TBC1D14: variants seen among roughly 807,000 people sequenced by gnomAD.
TBC1D14 encodes TBC1 domain family, member 14.
Under a neutral mutation model 79.0 loss-of-function variants are expected in TBC1D14, and 26 were observed. The observed-to-expected ratio is 0.33, with a 90% CI of 0.24 to 0.46. The LOEUF is 0.46. Among genes scored for constraint, TBC1D14 ranks in the 20% least tolerant of loss-of-function variants. TBC1D14 has a pLI of 1.00. For synonymous variants in TBC1D14, 394 were observed against 349.9 expected, an observed-to-expected ratio of 1.13 and a Z score of -1.40; for missense variants, 769 against 887.6, an observed-to-expected ratio of 0.87 and a Z score of 1.70.
At chr4:7,025,820 G>A (rs1397222279) in intron 13 of TBC1D14, among the ~76,000 whole-genome samples, 10 of 152,174 alleles carry the variant, frequency 6.6e-5, no homozygotes, top group African/African-American at 1.9e-4. Context: ...CGGATAGTCC[G>A]TATCCCTTGG....
intron 12 of TBC1D14, among the ~76,000 whole-genome samples, chr4:7,021,717 A>G: frequency 6.6e-6 from 1 of 151,576 alleles, no homozygotes; most frequent in East Asian, 1.9e-4. Flanking sequence ...AAAAAATACC[A>G]TTTTTGATCT....
intron 3 of TBC1D14, among the ~76,000 whole-genome samples, chr4:6,991,821 G>C (rs1364182271): frequency 1.3e-5 from 2 of 152,228 alleles, no homozygotes; most frequent in Non-Finnish European, 2.9e-5. Flanking sequence ...GGGCTTGTTA[G>C]CGTCAGCCGC....
At chr4:6,987,583 T>A (rs1717994903) in intron 3 of TBC1D14, 1 of 401,350 alleles carries the variant, frequency 2.5e-6, no homozygotes, top group Non-Finnish European at 4.4e-6. Flanking sequence ...TGTGTCTGTG[T>A]TTCCACGTAT....
intron 1 of TBC1D14, among the ~76,000 whole-genome samples, chr4:6,914,210 C>T (rs559320126): frequency 3.3e-5 from 5 of 151,832 alleles, no homozygotes; most frequent in African/African-American, 2.4e-5. Context: ...TCCGCTTCTT[C>T]GGGTTGTGAA....
chr4:6,985,637 C>G (rs893878216), intron 3 of TBC1D14, among the ~76,000 whole-genome samples: 3 of 152,188 alleles, frequency 2.0e-5, no homozygotes, highest in Admixed American at 2.0e-4. Flanking sequence ...TGGACATTAT[C>G]TACAAGTTAA....
intron 12 of TBC1D14, among the ~76,000 whole-genome samples, chr4:7,015,105 G>T (rs1721150496): frequency 6.6e-6 from 1 of 152,104 alleles, no homozygotes; most frequent in Non-Finnish European, 1.5e-5. Flanking sequence ...CAGGCGATGA[G>T]GTGGGGAGGC....
chr4:7,024,815 A>G (rs1722182659), intron 12 of TBC1D14, among the ~76,000 whole-genome samples, 189 bp from the exon 13 acceptor site: 1 of 152,220 alleles, frequency 6.6e-6, no homozygotes, highest in Non-Finnish European at 1.5e-5. Flanking sequence ...TCTGTGCGGA[A>G]GCTGATAGTG....
In TBC1D14 at chr4:6,997,234, C is replaced by G. The variant is rs144283111; in HGVS notation, c.1045+827C>G. 4.2e-3 allele frequency: 642 copies of G among 152,398 alleles called. 5 individuals are homozygous for G. Among genetic ancestry groups the G allele is most frequent in the African/African-American group, 0.014 (586 of 41,580 alleles). The allele number at this position is 152,398 out of a possible 1,614,324, so 9.4% of individuals were successfully genotyped here. A position where few individuals can be genotyped will look rare whatever the true frequency, so the allele number is the denominator to read the frequency against. ...GCACTCCCCTGCTAGAGCCTCCAGACAGGCTCCATTCGTAGGAGAATGTAG... is the reference window on the plus strand; with the variant it reads ...GCACTCCCCTGCTAGAGCCTCCAGAGAGGCTCCATTCGTAGGAGAATGTAG... On this transcript the variant is annotated intron_variant, in intron 5 of 13. Transcript: ENST00000409757.
chr4:7,019,142 C>T (rs1288583471), intron 12 of TBC1D14, among the ~76,000 whole-genome samples: 1 of 152,072 alleles, frequency 6.6e-6, no homozygotes, highest in Non-Finnish European at 1.5e-5. Context: ...CTGCTTCAGC[C>T]TCCTGAGTAG....
At chr4:6,943,294 A>G (rs114359863) in intron 2 of TBC1D14, among the ~76,000 whole-genome samples, 1,823 of 152,316 alleles carry the variant, frequency 0.012, 16 homozygotes, top group Middle Eastern at 0.037. Context: ...GGTTTGGTGA[A>G]TAACTGGGAG....
intron 11 of TBC1D14, among the ~76,000 whole-genome samples, chr4:7,011,454 G>A (rs1223092876): frequency 6.6e-6 from 1 of 152,182 alleles, no homozygotes; most frequent in African/African-American, 2.4e-5. Context: ...AAGTGGAGGA[G>A]CTGAGATTTG....
At chr4:6,951,157 T>C (rs1714001470) in intron 2 of TBC1D14, among the ~76,000 whole-genome samples, 1 of 152,102 alleles carries the variant, frequency 6.6e-6, no homozygotes, top group African/African-American at 2.4e-5. Context: ...CCGCGTGTAG[T>C]GGCAGGCACC....
In TBC1D14 at chr4:6,914,135, C is replaced by CAAAA. The variant is rs34129252; in HGVS notation, c.-18+4196_-18+4199dup. ...AGCCTGGGTGACAGAGACCCCATCTCAAAAAAAAAAAAAAAGTTCCACCTG... is the reference window on the plus strand; with the variant it reads ...AGCCTGGGTGACAGAGACCCCATCTCAAAAAAAAAAAAAAAAAAAGTTCCACCTG... On this transcript the variant is annotated intron_variant, in intron 1 of 13. Coordinates refer to ENST00000409757, the MANE Select transcript of TBC1D14 (RefSeq NM_020773.3). 5.5e-4 allele frequency among the ~76,000 whole-genome samples: 76 copies of CAAAA among 137,510 alleles called. 2 individuals are homozygous for CAAAA. In the South Asian group the frequency reaches 9.1e-3, roughly 16 times the overall value. The allele number at this position is 137,510 out of a possible 152,430, so 90.2% of individuals were successfully genotyped here.
At chr4:7,029,924 C>T (rs1722872204) in intron 13 of TBC1D14, among the ~76,000 whole-genome samples, 1 of 152,208 alleles carries the variant, frequency 6.6e-6, no homozygotes, top group South Asian at 2.1e-4. Context: ...GAACCAGTGC[C>T]TTGAGGCCTT....
At chr4:6,930,417 C>G (rs1384471760) in intron 2 of TBC1D14, among the ~76,000 whole-genome samples, 1 of 152,176 alleles carries the variant, frequency 6.6e-6, no homozygotes, top group Non-Finnish European at 1.5e-5. Context: ...CTGCAGGTGC[C>G]TCCTGGAGGC....
At chr4:6,992,574 G>A (rs1223477371) in intron 3 of TBC1D14, among the ~76,000 whole-genome samples, 1 of 152,208 alleles carries the variant, frequency 6.6e-6, no homozygotes, top group African/African-American at 2.4e-5. Context: ...TCTGGCCTTG[G>A]CATACAGTTC....
chr4:6,992,218 A>T (rs1302899909), intron 3 of TBC1D14, among the ~76,000 whole-genome samples: 2 of 152,240 alleles, frequency 1.3e-5, no homozygotes. Flanking sequence ...CCGAGGTCAC[A>T]GCTGGTGGTT....
chr4:6,944,644 A>G (rs1353454310), intron 2 of TBC1D14, among the ~76,000 whole-genome samples: 4 of 152,196 alleles, frequency 2.6e-5, no homozygotes, highest in Non-Finnish European at 4.4e-5. Flanking sequence ...GGAATTCACC[A>G]TGGCTCTGGC....
intron 12 of TBC1D14, among the ~76,000 whole-genome samples, chr4:7,021,238 T>TA (rs1023086455): frequency 6.6e-6 from 1 of 152,246 alleles, no homozygotes; most frequent in African/African-American, 2.4e-5. Flanking sequence ...GGGAAACAGA[T>TA]ACGCAGCTTT....
Sources: gnomAD v4.1 joint callset for allele counts (sites outside exome capture counted in the v4.1 genomes callset) on GRCh38, gnomAD v4.1.1 for gene constraint, MANE v1.5 for transcripts, NCBI Gene and HGNC (gene_info 2026-07-23, HGNC 2026-07-21) for gene names.